Variants in EGLN3 observed in about 807,000 individuals in gnomAD.
The protein encoded by EGLN3 is prolyl hydroxylase EGLN3.
In EGLN3, 15 loss-of-function variants were observed where a neutral mutation model predicts 26.0. That is an observed-to-expected ratio of 0.58 (90% CI 0.39 to 0.89). The LOEUF is 0.89. Among genes scored for constraint, EGLN3 ranks in the 40% least tolerant of loss-of-function variants. The probability of loss-of-function intolerance (pLI) is 0.00; values close to 1 mark genes in which losing one functional copy is unlikely to be tolerated. For synonymous variants in EGLN3, 147 were observed against 127.2 expected (o/e 1.16, Z -1.05); for missense variants, 238 against 311.6 (o/e 0.76, Z 1.78).
intron 1 of EGLN3, among the ~76,000 whole-genome samples, chr14:33,944,676 G>A (rs971034523): frequency 2.0e-5 from 3 of 152,150 alleles, no homozygotes; most frequent in South Asian, 2.1e-4. Context: ...GAGCGTAAAC[G>A]TGCACTTTTT....
chr14:33,946,100 C>A (rs1198151098), intron 1 of EGLN3, among the ~76,000 whole-genome samples: 1 of 152,138 alleles, frequency 6.6e-6, no homozygotes, highest in Non-Finnish European at 1.5e-5. Context: ...AGAAGCCGGG[C>A]GCGGTGGCTC....
intron 3 of EGLN3, among the ~76,000 whole-genome samples, chr14:33,928,048 A>G (rs1276296426): frequency 6.6e-6 from 1 of 152,030 alleles, no homozygotes; most frequent in Admixed American, 6.6e-5. Context: ...CTTCTCATCA[A>G]CATTTGCTAA....
intron 1 of EGLN3, among the ~76,000 whole-genome samples, chr14:33,947,519 T>C (rs919769821): frequency 1.3e-5 from 2 of 152,146 alleles, no homozygotes; most frequent in Admixed American, 6.5e-5. Context: ...TATTGTTTCA[T>C]TGAGATAAAG....
chr14:33,935,224 T>C (rs959680998), intron 1 of EGLN3, among the ~76,000 whole-genome samples: 2 of 152,232 alleles, frequency 1.3e-5, no homozygotes, highest in Admixed American at 1.3e-4. Flanking sequence ...ACACACTAAG[T>C]GCTTAATAAA....
intron 1 of EGLN3, among the ~76,000 whole-genome samples, chr14:33,945,669 TC>T (rs752290113): frequency 3.3e-5 from 5 of 152,210 alleles, no homozygotes; most frequent in African/African-American, 9.6e-5. Flanking sequence ...ACACCAGCTG[TC>T]CTGGATGTTA....
Position 33,943,016 on chromosome 14 carries a change from G to A in EGLN3, c.357+7380C>T, listed in dbSNP as rs192768409. On this transcript the variant is annotated intron_variant, in intron 1 of 4. Coordinates refer to ENST00000250457, the MANE Select transcript of EGLN3 (RefSeq NM_022073.4). ...GTAAGGCTGGGATTGTGTTAGGACC[G>A]GGGCAGGAAAACGTAGTCACTACAG... is the stretch of plus-strand genomic sequence containing the variant. Among the ~76,000 whole-genome samples the A allele has an allele frequency of 1.9e-3, 294 of 152,256 alleles. 1 individual carries two copies. Among genetic ancestry groups the A allele is most frequent in the Admixed American group, 3.9e-3 (60 of 15,292 alleles).
intron 1 of EGLN3, among the ~76,000 whole-genome samples, chr14:33,940,624 T>G (rs1269558701): frequency 6.6e-6 from 1 of 152,084 alleles, no homozygotes; most frequent in East Asian, 1.9e-4. Flanking sequence ...ACTGCATGTT[T>G]CCAGATAATG....
intron 1 of EGLN3, 48 bp from the exon 2 acceptor site, chr14:33,931,263 ATCT>A (rs1363473026): frequency 6.2e-7 from 1 of 1,612,890 alleles, no homozygotes. Context: ...GAGACAGACA[ATCT>A]TCTCCTCCCA....
chr14:33,950,296 C>A, intron 1 of EGLN3, 100 bp downstream of exon 1: 2 of 1,176,680 alleles, frequency 1.7e-6, no homozygotes, highest in Non-Finnish European at 2.5e-6. Context: ...GGTTAAAAAA[C>A]AAAGTTCGCT....
At chr14:33,935,508 G>A (rs1346203580) in intron 1 of EGLN3, among the ~76,000 whole-genome samples, 2 of 151,916 alleles carry the variant, frequency 1.3e-5, no homozygotes, top group Admixed American at 1.3e-4. Context: ...TTTTATGAGA[G>A]TAGCAGGCAA....
At chr14:33,935,620 CAT>C (rs1245783595) in intron 1 of EGLN3, among the ~76,000 whole-genome samples, 1,600 of 74,604 alleles carry the variant, frequency 0.021, 17 homozygotes, top group African/African-American at 0.058. Context: ...CACACACACA[CAT>C]ATATATATAT....
intron 1 of EGLN3, among the ~76,000 whole-genome samples, chr14:33,943,751 T>C (rs2064499204): frequency 6.6e-6 from 1 of 152,234 alleles, no homozygotes; most frequent in South Asian, 2.1e-4. Context: ...AACGCCACCC[T>C]GACCTTTAAG....
In EGLN3 at chr14:33,927,152, GATTTATTTATTT is replaced by G. The variant is rs59342816; in HGVS notation, c.615-131_615-120del. 2.3e-4 allele frequency: 42 copies of G among 182,838 alleles called. 1 individual carries two copies. The highest frequency in any genetic ancestry group is 3.4e-4 in the African/African-American group (14 of 40,778). 11.3% of individuals were successfully genotyped at this position (182,838 alleles called of 1,614,324 possible). On this transcript the variant is annotated intron_variant, in intron 3 of 4. Transcript: ENST00000250457. ...TTCTCTATTATTAGAAGTCTACCCT[GATTTATTTATTT>G]ATTTATTTATTTATTTATTTATTTA...
intron 1 of EGLN3, among the ~76,000 whole-genome samples, chr14:33,939,081 A>T (rs567562193): frequency 5.9e-5 from 9 of 152,370 alleles, no homozygotes; most frequent in African/African-American, 2.2e-4. Flanking sequence ...ATCTGAACTT[A>T]ATCCTAAAGT....
intron 2 of EGLN3, among the ~76,000 whole-genome samples, chr14:33,929,617 G>T (rs1188946396): frequency 6.6e-6 from 1 of 152,156 alleles, no homozygotes; most frequent in Admixed American, 6.5e-5. Flanking sequence ...CTCCTGAAGT[G>T]CTGGGATTAT....
At position 33,950,399 on chromosome 14, in the gene EGLN3, A is replaced by T. The variant is rs768420019; in HGVS notation, c.354T>A (p.Ser118=). 1 of 1,613,018 alleles carries T rather than the reference A, an allele frequency of 6.2e-7. No homozygotes were observed. The highest frequency in any genetic ancestry group is 1.7e-5 in the Admixed American group (1 of 60,026). The change falls in exon 1 of 5, where the codon TCT becomes TCA. Residue 118 remains serine (S), a synonymous_variant. Transcript: ENST00000250457. The part of the protein sequence containing the change: ...RLGKYYVKER[S]KAMVACYPGN... ...CAGGGCGCCGAGCGCGTCCTACCTTAGACCTCTCCTTGACGTAGTATTTGC... is the reference window on the plus strand; with the variant it reads ...CAGGGCGCCGAGCGCGTCCTACCTTTGACCTCTCCTTGACGTAGTATTTGC...
intron 1 of EGLN3, among the ~76,000 whole-genome samples, chr14:33,934,103 G>A (rs1799431444): frequency 2.0e-5 from 3 of 152,102 alleles, no homozygotes; most frequent in African/African-American, 7.2e-5. Context: ...TTCTATTCTT[G>A]GATATACTGA....
intron 1 of EGLN3, chr14:33,949,866 A>G (rs1393418333): frequency 5.6e-6 from 1 of 177,040 alleles, no homozygotes; most frequent in Non-Finnish European, 1.2e-5. Flanking sequence ...CAGCATTCAG[A>G]AGTGGAGTTT....
At chr14:33,934,723 C>T in intron 1 of EGLN3, among the ~76,000 whole-genome samples, 1 of 152,174 alleles carries the variant, frequency 6.6e-6, no homozygotes, top group East Asian at 1.9e-4. Flanking sequence ...CTAACAGTTG[C>T]AACATGTATT....
Sources: gnomAD v4.1 joint callset for allele counts (sites outside exome capture counted in the v4.1 genomes callset) on GRCh38, gnomAD v4.1.1 for gene constraint, MANE v1.5 for transcripts, NCBI Gene and HGNC (gene_info 2026-07-23, HGNC 2026-07-21) for gene names.